TMEM217B: variants seen among roughly 807,000 people sequenced by gnomAD.
The protein encoded by TMEM217B is transmembrane protein 217B.
the TMEM217B span, among the ~76,000 whole-genome samples, chr6:37,255,683 CAA>C: frequency 2.3e-4 from 24 of 102,344 alleles, no homozygotes; most frequent in Admixed American, 4.1e-4. Flanking sequence ...GACCTGGTCT[CAA>C]AAAAAAAAAA....
chr6:37,258,077 G>T, the TMEM217B span: 1 of 1,331,674 alleles, frequency 7.5e-7, no homozygotes, highest in East Asian at 2.7e-5. Context: ...CAGAAGACTG[G>T]TTTGGGGAAG....
chr6:37,213,582 G>A, the TMEM217B span, among the ~76,000 whole-genome samples: 10 of 152,368 alleles, frequency 6.6e-5, no homozygotes, highest in African/African-American at 2.4e-4. Context: ...TCTGCCCAGG[G>A]CCAAGATGCC....
At chr6:37,222,313 T>TC in the TMEM217B span, among the ~76,000 whole-genome samples, 1 of 152,114 alleles carries the variant, frequency 6.6e-6, no homozygotes, top group Non-Finnish European at 1.5e-5. Flanking sequence ...CCCGCTGCCA[T>TC]CCATGGCCCC....
At chr6:37,215,214 G>A in the TMEM217B span, 6 of 1,613,796 alleles carry the variant, frequency 3.7e-6, no homozygotes, top group Non-Finnish European at 5.1e-6. Context: ...GACATCTATT[G>A]TGTATCTACA....
chr6:37,218,782 C>T, the TMEM217B span: 8 of 1,614,094 alleles, frequency 5.0e-6, no homozygotes, highest in Non-Finnish European at 6.8e-6. Context: ...ACACTGAGTA[C>T]AGGAGGAAGC....
At chr6:37,234,294 TTC>T in the TMEM217B span, among the ~76,000 whole-genome samples, 1 of 152,124 alleles carries the variant, frequency 6.6e-6, no homozygotes, top group Non-Finnish European at 1.5e-5. Flanking sequence ...GAGGTGGGGT[TTC>T]TCCATGTTGG....
the TMEM217B span, among the ~76,000 whole-genome samples, chr6:37,250,947 C>T: frequency 4.0e-3 from 613 of 152,266 alleles, 5 homozygotes; most frequent in African/African-American, 0.014. Context: ...GATGGTATTA[C>T]GCGGTAAGGT....
the TMEM217B span, among the ~76,000 whole-genome samples, chr6:37,248,606 T>C: frequency 6.6e-6 from 1 of 152,186 alleles, no homozygotes; most frequent in Non-Finnish European, 1.5e-5. Context: ...CTTCCTCTCT[T>C]TGAGCTTCAG....
the TMEM217B span, chr6:37,213,050 A>T: frequency 3.0e-5 from 36 of 1,203,648 alleles, no homozygotes; most frequent in Admixed American, 5.9e-4. Flanking sequence ...GTAGCCTTAG[A>T]CAAATCCCCC....
At chr6:37,235,760 C>G in the TMEM217B span, among the ~76,000 whole-genome samples, 1 of 152,188 alleles carries the variant, frequency 6.6e-6, no homozygotes, top group Non-Finnish European at 1.5e-5. Context: ...TCCAAGATGA[C>G]GCCTTGTTGC....
At chr6:37,242,418 A>G in the TMEM217B span, among the ~76,000 whole-genome samples, 254 of 152,332 alleles carry the variant, frequency 1.7e-3, 2 homozygotes, top group Non-Finnish European at 2.6e-3. Context: ...CATATCATCT[A>G]GATCTTTTCT....
the TMEM217B span, among the ~76,000 whole-genome samples, chr6:37,233,764 C>T: frequency 3.7e-4 from 56 of 152,248 alleles, no homozygotes; most frequent in African/African-American, 1.2e-3. Flanking sequence ...TTACTTAAGT[C>T]GCTAACTAAC....
chr6:37,239,636 T>C, the TMEM217B span, among the ~76,000 whole-genome samples: 3 of 152,114 alleles, frequency 2.0e-5, no homozygotes, highest in Non-Finnish European at 2.9e-5. Flanking sequence ...TCAATCATGG[T>C]AAGAACTTTT....
chr6:37,222,737 C>T, the TMEM217B span, among the ~76,000 whole-genome samples: 1 of 152,236 alleles, frequency 6.6e-6, no homozygotes, highest in East Asian at 1.9e-4. Flanking sequence ...TCTGCCTGCT[C>T]CGTAGAGCCG....
chr6:37,229,721 A>G, the TMEM217B span, among the ~76,000 whole-genome samples: 2 of 152,208 alleles, frequency 1.3e-5, no homozygotes, highest in Non-Finnish European at 2.9e-5. Context: ...AGCCATCTAT[A>G]GATTTAATTT....
At chr6:37,222,615 G>C in the TMEM217B span, among the ~76,000 whole-genome samples, 1 of 152,212 alleles carries the variant, frequency 6.6e-6, no homozygotes, top group Non-Finnish European at 1.5e-5. Context: ...AGCTGCAGCT[G>C]CACCTGGGAG....
At chr6:37,235,644 G>A in the TMEM217B span, among the ~76,000 whole-genome samples, 1 of 152,182 alleles carries the variant, frequency 6.6e-6, no homozygotes, top group African/African-American at 2.4e-5. Flanking sequence ...GGGATTACAG[G>A]CGTGAGCCAC....
At chr6:37,240,145 T>C in the TMEM217B span, among the ~76,000 whole-genome samples, 1 of 152,234 alleles carries the variant, frequency 6.6e-6, no homozygotes, top group Admixed American at 6.5e-5. Flanking sequence ...TTAGTCACTA[T>C]TGCTCTGTAA....
At chr6:37,234,187 T>C in the TMEM217B span, among the ~76,000 whole-genome samples, 1 of 151,372 alleles carries the variant, frequency 6.6e-6, no homozygotes, top group African/African-American at 2.4e-5. Flanking sequence ...GCAACCTCTG[T>C]CTCCCAGATT....
Sources: allele counts gnomAD v4.1 joint callset (sites outside exome capture counted in the v4.1 genomes callset), GRCh38; gene constraint gnomAD v4.1.1; transcripts MANE v1.5; gene names NCBI Gene and HGNC (gene_info 2026-07-23, HGNC 2026-07-21).